The following CLCA1 variants were observed in gnomAD, a reference collection of about 807,000 sequenced individuals.
CLCA1 encodes calcium-activated chloride channel regulator 1.
A neutral mutation model predicts 85.6 loss-of-function variants in CLCA1; 59 were observed. The ratio of observed to expected loss-of-function variants is 0.69; its 90% CI spans 0.56 to 0.86. The LOEUF (loss-of-function observed/expected upper bound fraction) is 0.86. Among genes scored for constraint, CLCA1 ranks in the 40% least tolerant of loss-of-function variants. CLCA1 has a pLI of 0.00. For synonymous variants in CLCA1, 396 were observed against 398.3 expected, an observed-to-expected ratio of 0.99 and a Z score of 0.07; for missense variants, 1,022 against 1,101.4, an observed-to-expected ratio of 0.93 and a Z score of 1.02.
intron 6 of CLCA1, 46 bp from the exon 7 acceptor site, chr1:86,486,480 C>CT: frequency 6.4e-7 from 1 of 1,563,360 alleles, no homozygotes; most frequent in Non-Finnish European, 8.8e-7. Context: ...TGTTATTAGT[C>CT]TTTCCATCTA....
At chr1:86,482,981 G>T (rs766100759) in intron 5 of CLCA1, among the ~76,000 whole-genome samples, 35 of 152,122 alleles carry the variant, frequency 2.3e-4, no homozygotes, top group Non-Finnish European at 4.6e-4. Context: ...CGCAAAATGA[G>T]ATTGAAGGCA....
At chr1:86,474,572 G>GA (rs1311621041) in intron 3 of CLCA1, among the ~76,000 whole-genome samples, 2 of 151,328 alleles carry the variant, frequency 1.3e-5, no homozygotes, top group African/African-American at 4.9e-5. Flanking sequence ...AAAAAGGGGG[G>GA]GGATTCTCAT....
At chr1:86,485,322 T>A in intron 5 of CLCA1, 21 bp from the exon 6 acceptor site, 1 of 1,554,040 alleles carries the variant, frequency 6.4e-7, no homozygotes, top group East Asian at 2.3e-5. Context: ...ATTATCTATA[T>A]AATTTCATTG....
chr1:86,490,915 A>AC (rs748817684), intron 8 of CLCA1, among the ~76,000 whole-genome samples: 33 of 148,002 alleles, frequency 2.2e-4, no homozygotes, highest in South Asian at 2.1e-4. Context: ...AAAAAAAAAA[A>AC]AAAAAAATAC....
At chr1:86,472,393 G>A (rs922144671) in intron 1 of CLCA1, among the ~76,000 whole-genome samples, 3 of 152,116 alleles carry the variant, frequency 2.0e-5, no homozygotes, top group Non-Finnish European at 4.4e-5. Context: ...TGCAGGCACT[G>A]ACTGCCCTTC....
intron 3 of CLCA1, among the ~76,000 whole-genome samples, chr1:86,474,110 T>C (rs763563127): frequency 3.3e-5 from 5 of 152,226 alleles, no homozygotes; most frequent in Non-Finnish European, 7.3e-5. Flanking sequence ...TTTTGAATTC[T>C]CGTAAATTAT....
At chr1:86,493,633 C>T in intron 10 of CLCA1, 34 bp downstream of exon 10, 1 of 1,473,062 alleles carries the variant, frequency 6.8e-7, no homozygotes, top group Non-Finnish European at 9.5e-7. Flanking sequence ...TCTCATAATT[C>T]AACAAGATAA....
chr1:86,490,576 A>G (rs1169785823), intron 8 of CLCA1, among the ~76,000 whole-genome samples: 1 of 152,202 alleles, frequency 6.6e-6, no homozygotes, highest in Non-Finnish European at 1.5e-5. Context: ...TTCAAATAAG[A>G]GTAAATCGAT....
intron 7 of CLCA1, 66 bp from the exon 8 acceptor site, chr1:86,488,930 C>A: frequency 7.3e-7 from 1 of 1,367,362 alleles, no homozygotes; most frequent in Non-Finnish European, 1.0e-6. Flanking sequence ...TTCCTGTAAG[C>A]AGAATTTTCA....
chr1:86,482,441 C>T, intron 5 of CLCA1, 59 bp downstream of exon 5: 1 of 1,448,906 alleles, frequency 6.9e-7, no homozygotes, highest in South Asian at 1.3e-5. Context: ...GAGGCTTTTA[C>T]TCCAAGTGCT....
chr1:86,498,155 A>AAAGG (rs527701215), intron 12 of CLCA1, among the ~76,000 whole-genome samples: 9,923 of 125,902 alleles, frequency 0.079, 636 homozygotes, highest in East Asian at 0.2. Context: ...AAAAACAAAG[A>AAAGG]AAGGAAGGAA....
At chr1:86,483,190 C>T (rs5744355) in intron 5 of CLCA1, among the ~76,000 whole-genome samples, 4 of 152,190 alleles carry the variant, frequency 2.6e-5, no homozygotes, top group Admixed American at 2.6e-4. Context: ...ATTCCCAGGC[C>T]TATTCAGAAA....
intron 1 of CLCA1, among the ~76,000 whole-genome samples, chr1:86,471,887 C>T (rs926306493): frequency 6.6e-6 from 1 of 152,072 alleles, no homozygotes; most frequent in Admixed American, 6.6e-5. Flanking sequence ...GCACTAACAC[C>T]CAAGTGCTGC....
In CLCA1 at chr1:86,483,920, G is replaced by A. The variant is rs1647886247; in HGVS notation, c.736-1423G>A. Among the ~76,000 whole-genome samples, 3 of 152,286 alleles carry A rather than the reference G, an allele frequency of 2.0e-5. No individual in the cohort carries two copies. In the South Asian group the frequency reaches 6.2e-4, roughly 32 times the overall value. The stretch of plus-strand genomic sequence containing the variant: ...CTCACAGTTCCACATGGCTAGGGAG[G>A]CCTCAGGAAACTTACCATCATGGTG... On this transcript the variant is annotated intron_variant, in intron 5 of 13. Coordinates refer to ENST00000394711, the MANE Select transcript of CLCA1 (RefSeq NM_001285.4).
At chr1:86,496,424 G>GA (rs1648288098) in intron 12 of CLCA1, among the ~76,000 whole-genome samples, 1 of 152,170 alleles carries the variant, frequency 6.6e-6, no homozygotes, top group Non-Finnish European at 1.5e-5. Context: ...CGTGTAAGCA[G>GA]GTGGGAAAAT....
intron 4 of CLCA1, among the ~76,000 whole-genome samples, chr1:86,477,788 T>C (rs1379250984): frequency 6.6e-6 from 1 of 152,210 alleles, no homozygotes; most frequent in African/African-American, 2.4e-5. Context: ...AAATGATTGT[T>C]CCAATAGATT....
At chr1:86,488,176 G>C (rs1256372100) in intron 7 of CLCA1, among the ~76,000 whole-genome samples, 5 of 152,192 alleles carry the variant, frequency 3.3e-5, no homozygotes, top group Non-Finnish European at 7.3e-5. Context: ...TCTTATCTGA[G>C]ATTCTAGGCC....
At chr1:86,475,083 C>T (rs563588566) in intron 3 of CLCA1, among the ~76,000 whole-genome samples, 5 of 152,274 alleles carry the variant, frequency 3.3e-5, no homozygotes, top group African/African-American at 1.2e-4. Context: ...AGGAACAGAA[C>T]ATTCTCAATG....
At chr1:86,472,388 G>T (rs545678496) in intron 1 of CLCA1, among the ~76,000 whole-genome samples, 2 of 152,092 alleles carry the variant, frequency 1.3e-5, no homozygotes, top group South Asian at 2.1e-4. Flanking sequence ...TCCTCTGCAG[G>T]CACTGACTGC....
Sources: gnomAD v4.1 joint callset for allele counts (sites outside exome capture counted in the v4.1 genomes callset) on GRCh38, gnomAD v4.1.1 for gene constraint, MANE v1.5 for transcripts, NCBI Gene and HGNC (gene_info 2026-07-23, HGNC 2026-07-21) for gene names.